SPOCK1: variants seen among roughly 807,000 people sequenced by gnomAD.
The protein encoded by SPOCK1 is SPARC (osteonectin), cwcv and kazal like domains proteoglycan 1.
SPOCK1 carries 23 observed loss-of-function variants against 55.3 expected under a neutral mutation model. The ratio of observed to expected loss-of-function variants is 0.42; its 90% CI spans 0.30 to 0.59. The LOEUF is 0.59. Among genes scored for constraint, SPOCK1 ranks in the 20% least tolerant of loss-of-function variants. The pLI, the probability that SPOCK1 is intolerant of heterozygous loss-of-function variation, is 0.22. For synonymous variants in SPOCK1, 226 were observed against 221.0 expected, an observed-to-expected ratio of 1.02 and a Z score of -0.20; for missense variants, 499 against 552.5, an observed-to-expected ratio of 0.90 and a Z score of 0.97.
chr5:137,192,259 A>C (rs1444978420), intron 3 of SPOCK1, among the ~76,000 whole-genome samples: 1 of 151,164 alleles, frequency 6.6e-6, no homozygotes, highest in African/African-American at 2.4e-5. Flanking sequence ...AAAAAAAGAA[A>C]AGGAAAACAA....
chr5:137,185,851 A>G (rs1468683697), intron 3 of SPOCK1, among the ~76,000 whole-genome samples: 1 of 152,168 alleles, frequency 6.6e-6, no homozygotes. Flanking sequence ...CTTTCAAAGT[A>G]CATCTTGGTA....
intron 2 of SPOCK1, among the ~76,000 whole-genome samples, chr5:137,382,013 C>CTG (rs1751482269): frequency 6.6e-6 from 1 of 152,152 alleles, no homozygotes; most frequent in African/African-American, 2.4e-5. Context: ...TTCACACATA[C>CTG]GAGCATATAC....
chr5:137,036,981 G>A (rs1231244776), intron 6 of SPOCK1, among the ~76,000 whole-genome samples: 1 of 152,200 alleles, frequency 6.6e-6, no homozygotes, highest in African/African-American at 2.4e-5. Context: ...GAGAGAGAGA[G>A]TGGCTGCACG....
At chr5:137,255,663 G>A (rs2916634) in intron 3 of SPOCK1, among the ~76,000 whole-genome samples, 10,268 of 152,082 alleles carry the variant, frequency 0.068, 1,055 homozygotes, top group African/African-American at 0.23. Context: ...ATTCATGGAC[G>A]TGAAGTGAAG....
chr5:137,123,605 G>C lies in SPOCK1; in HGVS notation c.348-11044C>G, dbSNP rs564832210. Among the ~76,000 whole-genome samples the C allele has an allele frequency of 2.0e-5, 3 of 152,232 alleles. No individual in the cohort carries two copies. In the South Asian group the frequency reaches 6.2e-4, roughly 32 times the overall value. On this transcript the variant is annotated intron_variant, in intron 4 of 10. Transcript: ENST00000394945. ...AACCAGACAGAACCTATTCTACCTA[G>C]ACCGTGTTGAAGTTATCAAGAAAAA...
intron 2 of SPOCK1, among the ~76,000 whole-genome samples, chr5:137,370,179 C>T (rs922836386): frequency 1.3e-5 from 2 of 152,168 alleles, no homozygotes; most frequent in South Asian, 2.1e-4. Context: ...CCTTCTCACC[C>T]GCTGCCTACC....
intron 2 of SPOCK1, among the ~76,000 whole-genome samples, chr5:137,373,818 G>A (rs960517344): frequency 2.6e-5 from 4 of 152,232 alleles, no homozygotes; most frequent in African/African-American, 2.4e-5. Context: ...CTGGCTCAGC[G>A]TCTTACTAGC....
At position 137,210,793 on chromosome 5, in the gene SPOCK1, T is replaced by C. The variant is rs190145528; in HGVS notation, c.232+56217A>G. Among the ~76,000 whole-genome samples the C allele has an allele frequency of 9.3e-4, 141 of 152,330 alleles. 1 individual carries two copies. The highest frequency in any genetic ancestry group is 3.3e-3 in the African/African-American group (137 of 41,564). On this transcript the variant is annotated intron_variant, in intron 3 of 10. Transcript: ENST00000394945. ...CATCTTCTAATTCTGTTATTTGTATTCTCCCTAGTCCGGCTTTATGCCAGT... is the reference window on the plus strand; with the variant it reads ...CATCTTCTAATTCTGTTATTTGTATCCTCCCTAGTCCGGCTTTATGCCAGT...
At chr5:137,422,888 GCT>G (rs1377769679) in intron 2 of SPOCK1, among the ~76,000 whole-genome samples, 9 of 152,156 alleles carry the variant, frequency 5.9e-5, no homozygotes, top group African/African-American at 2.2e-4. Context: ...CAGTTTTTCT[GCT>G]CTGTTTTTTC....
chr5:137,004,635 G>A lies in SPOCK1; in HGVS notation c.590-12035C>T, dbSNP rs188042177. Among the ~76,000 whole-genome samples the A allele has an allele frequency of 2.0e-5, 3 of 152,138 alleles. No individual in the cohort carries two copies. The East Asian group carries it at 5.8e-4, about 30-fold the overall frequency. On this transcript the variant is annotated intron_variant, in intron 6 of 10. Transcript: ENST00000394945. ...GATCCAGTATCTAACAACACAGCAT[G>A]ACATAGCTAGTAATTTCTCTCTTCC...
At chr5:137,025,662 C>T (rs1444195895) in intron 6 of SPOCK1, among the ~76,000 whole-genome samples, 2 of 152,054 alleles carry the variant, frequency 1.3e-5, no homozygotes, top group Non-Finnish European at 1.5e-5. Flanking sequence ...CACAGCAGAA[C>T]CTGTTTCTAA....
chr5:137,032,486 A>C (rs1256533512), intron 6 of SPOCK1, among the ~76,000 whole-genome samples: 1 of 152,168 alleles, frequency 6.6e-6, no homozygotes, highest in Non-Finnish European at 1.5e-5. Context: ...CAGGCAAGAA[A>C]GCTTGTGAGC....
chr5:137,003,893 T>C (rs1347755554), intron 6 of SPOCK1, among the ~76,000 whole-genome samples: 4 of 152,098 alleles, frequency 2.6e-5, no homozygotes. Context: ...GAATGGCTCT[T>C]TTATTTGGGA....
chr5:137,132,227 A>G (rs1173868752), intron 4 of SPOCK1, among the ~76,000 whole-genome samples: 1 of 150,344 alleles, frequency 6.7e-6, no homozygotes, highest in Non-Finnish European at 1.5e-5. Context: ...TTTTGTACTC[A>G]AGATGGGCAA....
At chr5:137,351,713 C>G (rs1257078281) in intron 2 of SPOCK1, among the ~76,000 whole-genome samples, 3 of 152,218 alleles carry the variant, frequency 2.0e-5, no homozygotes, top group African/African-American at 7.2e-5. Flanking sequence ...CATATGGTAA[C>G]TAAACATTTC....
intron 8 of SPOCK1, 147 bp from the exon 9 acceptor site, chr5:136,985,349 T>A: frequency 1.3e-6 from 1 of 787,588 alleles, no homozygotes; most frequent in Admixed American, 2.1e-5. Context: ...GAAAACAAAT[T>A]CGGGCCATTA....
intron 6 of SPOCK1, among the ~76,000 whole-genome samples, chr5:137,028,551 G>A: frequency 6.6e-6 from 1 of 152,130 alleles, no homozygotes; most frequent in East Asian, 1.9e-4. Context: ...ATCCCTGGGG[G>A]TGGGCTTCAT....
At chr5:137,169,580 A>C (rs9327774) in intron 3 of SPOCK1, among the ~76,000 whole-genome samples, 100,683 of 151,980 alleles carry the variant, frequency 0.66, 33,782 homozygotes, top group African/African-American at 0.77. Flanking sequence ...TCAGAGCAAC[A>C]TAGGAGTTAA....
At chr5:137,258,510 A>T (rs894807320) in intron 3 of SPOCK1, among the ~76,000 whole-genome samples, 5 of 152,250 alleles carry the variant, frequency 3.3e-5, no homozygotes, top group Admixed American at 1.3e-4. Context: ...ACATTCTCAA[A>T]TGAGAAAAAT....
Sources: allele counts gnomAD v4.1 joint callset (sites outside exome capture counted in the v4.1 genomes callset), GRCh38; gene constraint gnomAD v4.1.1; transcripts MANE v1.5; gene names NCBI Gene and HGNC (gene_info 2026-07-23, HGNC 2026-07-21).